Variants in PEX7 observed in about 807,000 individuals in gnomAD.
PEX7 encodes PTS2 receptor.
A neutral mutation model predicts 47.5 loss-of-function variants in PEX7; 34 were observed. The ratio of observed to expected loss-of-function variants is 0.72; its 90% CI spans 0.54 to 0.95. The LOEUF is 0.95. PEX7 is among the 40% of genes least tolerant of loss of function. The pLI, the probability that PEX7 is intolerant of heterozygous loss-of-function variation, is 0.00. For missense variants in PEX7, 394 were observed against 400.3 expected, an observed-to-expected ratio of 0.98 and a Z score of 0.13; for synonymous variants, 141 against 148.8, an observed-to-expected ratio of 0.95 and a Z score of 0.38.
intron 8 of PEX7, among the ~76,000 whole-genome samples, chr6:136,885,472 TGTGA>T (rs369797566): frequency 2.6e-5 from 4 of 152,238 alleles, no homozygotes; most frequent in African/African-American, 9.6e-5. Context: ...GTTTGCGTGA[TGTGA>T]GTCTCTCTCT....
intron 8 of PEX7, among the ~76,000 whole-genome samples, chr6:136,886,861 TG>T (rs1775475578): frequency 6.6e-6 from 1 of 152,146 alleles, no homozygotes; most frequent in Admixed American, 6.6e-5. Context: ...GAGACCAGCC[TG>T]GACAACATGG....
chr6:136,822,910 G>T (rs1774107967), intron 1 of PEX7, 115 bp downstream of exon 1: 2 of 1,214,532 alleles, frequency 1.6e-6, no homozygotes. Flanking sequence ...GGTTCCGCGG[G>T]TCCACGCCAG....
chr6:136,841,093 C>T (rs532635431), intron 3 of PEX7, among the ~76,000 whole-genome samples: 12 of 152,262 alleles, frequency 7.9e-5, no homozygotes, highest in South Asian at 2.1e-4. Flanking sequence ...CCTTTCCCCC[C>T]GTGCCTAGTA....
intron 1 of PEX7, among the ~76,000 whole-genome samples, chr6:136,824,726 C>T (rs1447812491): frequency 1.3e-5 from 2 of 152,206 alleles, no homozygotes; most frequent in African/African-American, 2.4e-5. Flanking sequence ...TAGTAAATCC[C>T]ACCAAGTATC....
At chr6:136,893,513 A>G (rs983028175) in intron 8 of PEX7, among the ~76,000 whole-genome samples, 6 of 152,324 alleles carry the variant, frequency 3.9e-5, no homozygotes, top group Non-Finnish European at 8.8e-5. Flanking sequence ...TTTTAAAAAC[A>G]TGTCAGTTGA....
chr6:136,825,578 G>T (rs1025432312), intron 2 of PEX7, among the ~76,000 whole-genome samples: 1 of 151,986 alleles, frequency 6.6e-6, no homozygotes, highest in African/African-American at 2.4e-5. Flanking sequence ...CTGTCACCCA[G>T]GCTGGAGTAC....
intron 8 of PEX7, among the ~76,000 whole-genome samples, chr6:136,883,041 G>A (rs1157288357): frequency 6.6e-6 from 1 of 152,138 alleles, no homozygotes; most frequent in Non-Finnish European, 1.5e-5. Flanking sequence ...TGCTTTTGAA[G>A]TGATTTGGAT....
intron 3 of PEX7, among the ~76,000 whole-genome samples, chr6:136,843,467 C>T (rs747649524): frequency 6.6e-6 from 1 of 152,060 alleles, no homozygotes; most frequent in Non-Finnish European, 1.5e-5. Flanking sequence ...CGCATTCATT[C>T]GGTATTGACT....
intron 5 of PEX7, among the ~76,000 whole-genome samples, chr6:136,859,859 C>A (rs1040999707): frequency 1.3e-5 from 2 of 151,954 alleles, no homozygotes; most frequent in African/African-American, 4.8e-5. Context: ...CCCATCTCTA[C>A]TAAAAACTCA....
At chr6:136,855,696 C>T in intron 5 of PEX7, 1 of 337,272 alleles carries the variant, frequency 3.0e-6, no homozygotes, top group Non-Finnish European at 5.6e-6. Flanking sequence ...TGTTTGTTTT[C>T]AGTTTGTTTT....
intron 6 of PEX7, among the ~76,000 whole-genome samples, chr6:136,868,607 A>C (rs1775116132): frequency 6.6e-6 from 1 of 152,082 alleles, no homozygotes; most frequent in South Asian, 2.1e-4. Flanking sequence ...ATTTACAAAA[A>C]TTATTTTCTA....
intron 5 of PEX7, among the ~76,000 whole-genome samples, chr6:136,854,952 G>A (rs545450508): frequency 2.6e-3 from 397 of 152,150 alleles, no homozygotes; most frequent in African/African-American, 9.1e-3. Flanking sequence ...GCCGGGCATG[G>A]TGGCACACAC....
intron 8 of PEX7, among the ~76,000 whole-genome samples, chr6:136,895,167 A>G (rs867992980): frequency 4.6e-5 from 7 of 152,212 alleles, no homozygotes; most frequent in Non-Finnish European, 7.3e-5. Context: ...AGAGATACAT[A>G]GAAAAACTCT....
intron 6 of PEX7, among the ~76,000 whole-genome samples, chr6:136,867,126 A>T (rs909665676): frequency 6.6e-6 from 1 of 152,192 alleles, no homozygotes; most frequent in Non-Finnish European, 1.5e-5. Context: ...ACAGTCCATC[A>T]GTTTTTAAAT....
chr6:136,872,388 A>G lies in PEX7; in HGVS notation c.803+135A>G, dbSNP rs1775199639. 8 of 714,024 alleles carry G rather than the reference A, an allele frequency of 1.1e-5. No homozygotes were observed. In the South Asian group the frequency reaches 1.2e-4, roughly 11 times the overall value. The allele number at this position is 714,024 out of a possible 1,614,324, so 44.2% of individuals were successfully genotyped here. On this transcript the variant is annotated intron_variant, in intron 8 of 9. Transcript: ENST00000318471. ...AGATGGGTACATTTAAATATTTACT[A>G]GGATTAATATTATATTTTTCCTGTT...
chr6:136,836,401 A>G lies in PEX7; in HGVS notation c.340-9214A>G, dbSNP rs1047710626. The stretch of plus-strand genomic sequence containing the variant: ...AGAAAGCAGGGGAAGGGGGACCAGA[A>G]TGGAAATAAGATTTCTTCAGATATA... On this transcript the variant is annotated intron_variant, in intron 3 of 9. Coordinates refer to ENST00000318471, the MANE Select transcript of PEX7 (RefSeq NM_000288.4). Among the ~76,000 whole-genome samples the G allele has an allele frequency of 2.0e-5, 3 of 152,144 alleles. No homozygotes were observed. In the East Asian group the frequency reaches 5.8e-4, roughly 29 times the overall value.
Position 136,871,492 on chromosome 6 carries a change from A to G in PEX7, c.748-706A>G, listed in dbSNP as rs1028810073. 5.3e-5 allele frequency among the ~76,000 whole-genome samples: 8 copies of G among 152,302 alleles called. No homozygotes were observed. The South Asian group carries it at 6.2e-4, about 12-fold the overall frequency. On this transcript the variant is annotated intron_variant, in intron 7 of 9. Coordinates refer to ENST00000318471, the MANE Select transcript of PEX7 (RefSeq NM_000288.4). ...TGTAAAATTGGTAAATTATATAATT[A>G]TATATTTGTACTCTTATATACTTAA...
At chr6:136,912,947 A>G (rs1010274937) in intron 9 of PEX7, among the ~76,000 whole-genome samples, 1 of 152,140 alleles carries the variant, frequency 6.6e-6, no homozygotes, top group African/African-American at 2.4e-5. Flanking sequence ...ATGCCATGGC[A>G]TTGTGAAGTT....
intron 5 of PEX7, among the ~76,000 whole-genome samples, chr6:136,864,069 G>A (rs1251632872): frequency 3.9e-5 from 6 of 151,962 alleles, no homozygotes; most frequent in Middle Eastern, 3.2e-3. Context: ...ACTATCCTGG[G>A]TGAGTTATTT....
Sources: gnomAD v4.1 joint callset for allele counts (sites outside exome capture counted in the v4.1 genomes callset) on GRCh38, gnomAD v4.1.1 for gene constraint, MANE v1.5 for transcripts, NCBI Gene and HGNC (gene_info 2026-07-23, HGNC 2026-07-21) for gene names.